The following C4orf50 variants were observed in gnomAD, a reference collection of about 807,000 sequenced individuals.
C4orf50 encodes chromosome 4 open reading frame 50.
Under a neutral mutation model 77.2 loss-of-function variants are expected in C4orf50, and 80 were observed. The ratio of observed to expected loss-of-function variants is 1.04; its 90% CI spans 0.87 to 1.25. C4orf50 has a LOEUF of 1.25. Among genes scored for constraint, C4orf50 ranks in the 50% most tolerant of loss-of-function variants. The pLI, the probability that C4orf50 is intolerant of heterozygous loss-of-function variation, is 0.00. For synonymous variants in C4orf50, 532 were observed against 465.3 expected (o/e 1.14, Z -1.84); for missense variants, 1,257 against 1,152.9 (o/e 1.09, Z -1.31).
At chr4:5,986,610 C>T (rs1720877230) in intron 28 of C4orf50, among the ~76,000 whole-genome samples, 1 of 151,034 alleles carries the variant, frequency 6.6e-6, no homozygotes, top group Admixed American at 6.6e-5. Context: ...ACAATCTCGG[C>T]TCACTGCAAC....
At chr4:5,969,998 C>A (rs954198617) in intron 31 of C4orf50, among the ~76,000 whole-genome samples, 11 of 152,132 alleles carry the variant, frequency 7.2e-5, no homozygotes, top group African/African-American at 2.4e-4. Flanking sequence ...TGAGCCCCGG[C>A]AACCCTCTTC....
intron 7 of C4orf50, among the ~76,000 whole-genome samples, chr4:5,936,431 G>A (rs908660395): frequency 5.3e-5 from 8 of 151,844 alleles, no homozygotes; most frequent in East Asian, 3.9e-4. Flanking sequence ...TCGTGGTGGC[G>A]GGCGCCTCTA....
At chr4:6,003,131 A>G (rs1349000134) in intron 25 of C4orf50, among the ~76,000 whole-genome samples, 1 of 152,132 alleles carries the variant, frequency 6.6e-6, no homozygotes, top group African/African-American at 2.4e-5. Flanking sequence ...GCACAAGGCC[A>G]CTGCAGTTCT....
rs553755050 is a variant in C4orf50 at position 5,958,016 on chromosome 4, T to TTCCTTG, written c.*1353_*1358dup. On this transcript the variant is annotated 3_prime_UTR_variant, in exon 34 of 34. Coordinates refer to ENST00000531445, the Ensembl canonical transcript of C4orf50. This position sits in a 1 kb window ranked among gnomAD's most constrained non-coding sequence, Gnocchi z 5.4. ...TTGACACTTCCTGGGGAGCCGTCAG[T>TTCCTTG]TCCTTGTCCTTGTCCTTGTTTGTCC... 6.6e-6 allele frequency: 1 copy of TTCCTTG among 152,240 alleles called. No individual in the cohort carries two copies. Among genetic ancestry groups the TTCCTTG allele is most frequent in the African/African-American group, 2.4e-5 (1 of 41,470 alleles). 9.4% of individuals were successfully genotyped at this position (152,240 alleles called of 1,614,324 possible).
chr4:5,923,683 C>A (rs1328721946), intron 7 of C4orf50, among the ~76,000 whole-genome samples: 6 of 152,210 alleles, frequency 3.9e-5, no homozygotes, highest in African/African-American at 1.4e-4. Flanking sequence ...GCCCCTCCCA[C>A]AAATTTCCTT....
intron 33 of C4orf50, among the ~76,000 whole-genome samples, chr4:5,960,681 G>A (rs1424895987): frequency 6.6e-6 from 1 of 152,202 alleles, no homozygotes; most frequent in Admixed American, 6.5e-5. Context: ...CACAGGTGCT[G>A]ATGAAGCCTC....
Position 5,916,751 on chromosome 4 carries a change from C to G in C4orf50, c.*2475-18563G>C, listed in dbSNP as rs1466670881. Among the ~76,000 whole-genome samples, 2 of 152,112 alleles carry G rather than the reference C, an allele frequency of 1.3e-5. No individual in the cohort carries two copies. The highest frequency in any genetic ancestry group is 2.9e-5 in the Non-Finnish European group (2 of 68,026). The stretch of plus-strand genomic sequence containing the variant: ...GTCACTCCTGCAGGAAATAGGGTCA[C>G]GGCCCCGAGAGCACTTCTGTGAAGA... On this transcript the variant is annotated intron_variant, in intron 7 of 7. Coordinates refer to the C4orf50 transcript ENST00000324058. The surrounding 1 kb of genome is among the most constrained non-coding windows in gnomAD (Gnocchi z 4.4).
intron 31 of C4orf50, among the ~76,000 whole-genome samples, chr4:5,971,618 C>T (rs763006403): frequency 2.6e-5 from 4 of 152,204 alleles, no homozygotes; most frequent in Non-Finnish European, 5.9e-5. Flanking sequence ...TCCCTGCTCT[C>T]GTTCTGGGCT....
At chr4:5,927,647 C>T (rs11727155) in intron 7 of C4orf50, among the ~76,000 whole-genome samples, 129,235 of 151,478 alleles carry the variant, frequency 0.85, 55,155 homozygotes, top group Middle Eastern at 0.94. Flanking sequence ...CTCTCTGTCT[C>T]TCTTTCTCTC....
intron 29 of C4orf50, among the ~76,000 whole-genome samples, chr4:5,977,155 C>T (rs1429678909): frequency 1.3e-5 from 2 of 152,226 alleles, no homozygotes; most frequent in African/African-American, 2.4e-5. Flanking sequence ...CCGAGACTGG[C>T]ATCCAGCCGG....
In C4orf50 at chr4:5,965,044, C is replaced by T. The variant is rs116145862; in HGVS notation, c.4255G>A (p.Ala1419Thr). 1.1e-3 allele frequency: 1,756 copies of T among 1,613,208 alleles called. 17 individuals carry two copies. In the African/African-American group the frequency reaches 0.019, roughly 17 times the overall value. The change falls in exon 33 of 34, where the codon GCC becomes ACC. Residue 1419 changes from alanine (A) to threonine (T), a missense_variant. Ala to Thr is a moderately conservative substitution (Grantham distance 58). Coordinates refer to ENST00000531445, the Ensembl canonical transcript of C4orf50. ...CTCACCTTCAGAGAATCCAGTTGGG[C>T]TGTCTGTGCTGGCCACTCCGGCTCG...
At chr4:5,959,753 T>C in intron 33 of C4orf50, 127 bp from the exon 12 acceptor site, 1 of 1,114,206 alleles carries the variant, frequency 9.0e-7, no homozygotes, top group South Asian at 1.6e-5. Flanking sequence ...TTTCTGTGCC[T>C]GGCACCAAAT....
At chr4:5,955,158 G>A (rs1453389870), downstream of C4orf50, among the ~76,000 whole-genome samples, 1 of 152,190 alleles carries the variant, frequency 6.6e-6, no homozygotes, top group Non-Finnish European at 1.5e-5. The surrounding 1 kb of genome is among the most constrained non-coding windows in gnomAD (Gnocchi z 5.1). Context: ...TGACAAGCAT[G>A]GAGATAAAGC....
intron 33 of C4orf50, among the ~76,000 whole-genome samples, chr4:5,960,141 G>A (rs550751002): frequency 6.6e-6 from 1 of 152,328 alleles, no homozygotes; most frequent in African/African-American, 2.4e-5. Context: ...AACAGTTTAA[G>A]AGATTCTAAA....
chr4:5,959,576 C>T lies in C4orf50; in HGVS notation c.4326G>A (p.Ala1442=), dbSNP rs115854686. ...CGGGGAGACCTGGTTCCACAGTGAC[C>T]GCTGCCAGGCACGTTCCAGGATCAA... Residue 1442 remains alanine, a synonymous_variant, in exon 34 of 34, where the codon GCG becomes GCA. Transcript: ENST00000531445. 20 of 1,614,040 alleles carry T rather than the reference C, an allele frequency of 1.2e-5. No individual in the cohort carries two copies. The African/African-American group carries it at 1.6e-4, about 13-fold the overall frequency.
intron 7 of C4orf50, among the ~76,000 whole-genome samples, chr4:5,921,996 AG>A (rs1214129230): frequency 1.3e-5 from 2 of 152,164 alleles, no homozygotes; most frequent in African/African-American, 4.8e-5. Context: ...CCTAATAACT[AG>A]GAACAGCAGC....
At chr4:5,957,039 CG>C (rs1221407165), downstream of C4orf50, 2 of 152,280 alleles carry the variant, frequency 1.3e-5, no homozygotes, top group Non-Finnish European at 2.9e-5. Context: ...CAGGGAGCCA[CG>C]GCACAAAGCT....
At position 5,966,202 on chromosome 4, in the gene C4orf50, G is replaced by T. The variant is rs561452094; in HGVS notation, c.4154-1057C>A. Among the ~76,000 whole-genome samples the T allele has an allele frequency of 3.3e-5, 5 of 152,336 alleles. No homozygotes were observed. The South Asian group carries it at 1.0e-3, about 32-fold the overall frequency. ...TTTTAATAATAAAAGTAGGCCGGGT[G>T]CAGTGGCTCATGCCTGTAATCCCAG... On this transcript the variant is annotated intron_variant, in intron 32 of 33. Coordinates refer to ENST00000531445, the Ensembl canonical transcript of C4orf50.
chr4:5,981,156 G>C (rs907053438), intron 28 of C4orf50, among the ~76,000 whole-genome samples: 3 of 152,050 alleles, frequency 2.0e-5, no homozygotes, highest in African/African-American at 7.2e-5. Flanking sequence ...TGATATATTT[G>C]TTTTCTGCTT....
Sources: allele counts gnomAD v4.1 joint callset (sites outside exome capture counted in the v4.1 genomes callset), GRCh38; gene constraint gnomAD v4.1.1; non-coding constraint Gnocchi (gnomAD v3.1); transcripts MANE v1.5; gene names NCBI Gene and HGNC (gene_info 2026-07-23, HGNC 2026-07-21).